Variants in DNAJC15 observed in about 807,000 individuals in gnomAD.
DNAJC15 encodes dnaJ homolog subfamily C member 15.
A neutral mutation model predicts 22.4 loss-of-function variants in DNAJC15; 27 were observed. The ratio of observed to expected loss-of-function variants is 1.20; its 90% CI spans 0.89 to 1.66. DNAJC15 has a LOEUF of 1.66. Ranked by LOEUF, DNAJC15 falls within the 40% of genes most tolerant of loss-of-function variation. DNAJC15 has a pLI of 0.00. For missense variants in DNAJC15, 208 were observed against 187.1 expected (o/e 1.11, Z -0.65); for synonymous variants, 79 against 63.2 (o/e 1.25, Z -1.19).
At chr13:43,101,519 A>G (rs996389522) in intron 5 of DNAJC15, among the ~76,000 whole-genome samples, 1 of 152,204 alleles carries the variant, frequency 6.6e-6, no homozygotes, top group Non-Finnish European at 1.5e-5. Context: ...TCATCACCCA[A>G]GCAGTGTACA....
chr13:43,030,372 C>T (rs994795166), intron 1 of DNAJC15, among the ~76,000 whole-genome samples: 3 of 152,164 alleles, frequency 2.0e-5, no homozygotes. Context: ...CCATTTCAGG[C>T]TCTGCAGACC....
rs1290144698 is a variant in DNAJC15, at chr13:43,109,222, T to C, written c.*1974T>C. ...ACATGGTACATAACTATAGGGGCTATAGCTTGGTACCTTGTGAAGCAACTC... is the reference window on the plus strand; with the variant it reads ...ACATGGTACATAACTATAGGGGCTACAGCTTGGTACCTTGTGAAGCAACTC... On this transcript the variant is annotated 3_prime_UTR_variant, in exon 6 of 6. Transcript: ENST00000379221. 2.6e-5 allele frequency: 4 copies of C among 152,224 alleles called. No individual in the cohort carries two copies. The highest frequency in any genetic ancestry group is 5.9e-5 in the Non-Finnish European group (4 of 68,038). 9.4% of individuals were successfully genotyped at this position (152,224 alleles called of 1,614,324 possible). A position where few individuals can be genotyped will look rare whatever the true frequency, so the allele number is the denominator to read the frequency against.
chr13:43,043,541 G>A (rs181071094), intron 1 of DNAJC15, among the ~76,000 whole-genome samples: 1 of 152,302 alleles, frequency 6.6e-6, no homozygotes, highest in East Asian at 1.9e-4. Context: ...CTGACAGTGT[G>A]AAAAAGATTA....
intron 2 of DNAJC15, among the ~76,000 whole-genome samples, chr13:43,067,078 G>T (rs1593320158): frequency 1.3e-5 from 2 of 152,134 alleles, no homozygotes; most frequent in South Asian, 2.1e-4. Flanking sequence ...ATTTGTGTTT[G>T]TAAGTTCTAT....
intron 1 of DNAJC15, among the ~76,000 whole-genome samples, chr13:43,051,437 C>T (rs2040502574): frequency 6.6e-6 from 1 of 152,194 alleles, no homozygotes; most frequent in Admixed American, 6.5e-5. Flanking sequence ...ATTACCTGCC[C>T]TGTGAGTCCC....
intron 1 of DNAJC15, among the ~76,000 whole-genome samples, chr13:43,052,016 G>A (rs940461021): frequency 4.6e-5 from 7 of 152,100 alleles, no homozygotes; most frequent in Non-Finnish European, 8.8e-5. Context: ...CCAGGCTGGA[G>A]TGCAGTGGCG....
At chr13:43,102,864 A>C (rs1483036788) in intron 5 of DNAJC15, among the ~76,000 whole-genome samples, 1 of 152,052 alleles carries the variant, frequency 6.6e-6, no homozygotes, top group Non-Finnish European at 1.5e-5. Context: ...AAAAGAGTTT[A>C]AAGTGTTTTC....
At chr13:43,028,117 A>T (rs1443796438) in intron 1 of DNAJC15, among the ~76,000 whole-genome samples, 1 of 152,216 alleles carries the variant, frequency 6.6e-6, no homozygotes, top group African/African-American at 2.4e-5. Context: ...GAATGAATGA[A>T]TGTTATTCTT....
Position 43,023,653 on chromosome 13 carries a change from A to T in DNAJC15, c.27A>T (p.Pro9=), listed in dbSNP as rs1298794989. The T allele has an allele frequency of 4.3e-6, 7 of 1,612,380 alleles. No individual in the cohort carries two copies. The highest frequency in any genetic ancestry group is 1.1e-5 in the South Asian group (1 of 90,728). The change falls in exon 1 of 6, where the codon CCA becomes CCT. Residue 9 remains proline, a synonymous_variant. Transcript: ENST00000379221. MAARGVIA[P]VGESLRYAEY... ...TGGCTGCCCGTGGTGTCATCGCTCC[A>T]GTTGGCGAGAGTTTGCGCTACGCTG... is the stretch of plus-strand genomic sequence containing the variant.
chr13:43,082,614 CTTTAG>C (rs750555344), intron 4 of DNAJC15, among the ~76,000 whole-genome samples: 1 of 152,068 alleles, frequency 6.6e-6, no homozygotes. Flanking sequence ...CTTGTGTTTA[CTTTAG>C]TTCAGTGGTT....
intron 5 of DNAJC15, among the ~76,000 whole-genome samples, chr13:43,100,707 T>C (rs574196795): frequency 3.3e-5 from 5 of 152,312 alleles, no homozygotes; most frequent in South Asian, 4.1e-4. Context: ...TCCTGGAGAA[T>C]GTCCTCTGTG....
intron 5 of DNAJC15, among the ~76,000 whole-genome samples, chr13:43,088,169 T>TAA (rs2040698095): frequency 6.6e-6 from 1 of 152,198 alleles, no homozygotes; most frequent in African/African-American, 2.4e-5. Context: ...TTGTGCAAGT[T>TAA]AAAAACAGAA....
intron 3 of DNAJC15, among the ~76,000 whole-genome samples, chr13:43,077,453 C>T (rs572658191): frequency 6.6e-6 from 1 of 152,328 alleles, no homozygotes; most frequent in Non-Finnish European, 1.5e-5. Flanking sequence ...GCAAGGATGG[C>T]TCATTGTAGT....
intron 3 of DNAJC15, among the ~76,000 whole-genome samples, chr13:43,069,950 TGTC>T (rs748198851): frequency 1.3e-5 from 2 of 148,192 alleles, no homozygotes; most frequent in Non-Finnish European, 2.9e-5. Context: ...CCAGAAAGAC[TGTC>T]ATTTTTTCCA....
chr13:43,044,712 G>A (rs1239162921), intron 1 of DNAJC15, among the ~76,000 whole-genome samples: 1 of 151,934 alleles, frequency 6.6e-6, no homozygotes, highest in Non-Finnish European at 1.5e-5. Flanking sequence ...CGTTTAACTA[G>A]CATTGTCCAT....
intron 5 of DNAJC15, among the ~76,000 whole-genome samples, chr13:43,093,690 C>T (rs1451210369): frequency 6.6e-6 from 1 of 152,210 alleles, no homozygotes; most frequent in Non-Finnish European, 1.5e-5. Context: ...GCTGGGATTA[C>T]AGGCATGAGC....
chr13:43,024,186 C>G (rs17064045), intron 1 of DNAJC15, among the ~76,000 whole-genome samples: 37,459 of 151,864 alleles, frequency 0.25, 4,712 homozygotes, highest in African/African-American at 0.3. Flanking sequence ...GGTACCAGGA[C>G]TACTGTCTCC....
intron 5 of DNAJC15, among the ~76,000 whole-genome samples, chr13:43,097,951 T>G (rs2040749067): frequency 1.3e-5 from 2 of 151,894 alleles, no homozygotes; most frequent in Non-Finnish European, 2.9e-5. Context: ...AAAAGAAAGG[T>G]CTAATTCAAA....
intron 3 of DNAJC15, among the ~76,000 whole-genome samples, chr13:43,075,888 T>C (rs571933339): frequency 4.6e-5 from 7 of 152,284 alleles, no homozygotes; most frequent in Admixed American, 3.9e-4. Flanking sequence ...GGTCTCTAAC[T>C]GACCTGAGGT....
Sources: allele counts gnomAD v4.1 joint callset (sites outside exome capture counted in the v4.1 genomes callset), GRCh38; gene constraint gnomAD v4.1.1; transcripts MANE v1.5; gene names NCBI Gene and HGNC (gene_info 2026-07-23, HGNC 2026-07-21).